Variants in FHIT observed in about 807,000 individuals in gnomAD.
FHIT encodes the protein bis(5'-adenosyl)-triphosphatase.
Under a neutral mutation model 17.9 loss-of-function variants are expected in FHIT, and 19 were observed. The observed-to-expected ratio is 1.06, with a 90% confidence interval of 0.74 to 1.56. FHIT has a LOEUF of 1.56. FHIT is among the 40% of genes most tolerant of loss of function. The pLI is 0.00. For synonymous variants in FHIT, 81 were observed against 69.7 expected, an observed-to-expected ratio of 1.16 and a Z score of -0.81; for missense variants, 248 against 189.2, an observed-to-expected ratio of 1.31 and a Z score of -1.82.
chr3:60,732,757 G>C (rs1210758507), intron 4 of FHIT: 3 of 267,064 alleles, frequency 1.1e-5, no homozygotes, highest in African/African-American at 7.1e-5. Flanking sequence ...CACAATCTCG[G>C]CTCACTGCAA....
chr3:60,761,092 A>G (rs1553719728), intron 4 of FHIT, among the ~76,000 whole-genome samples: 1 of 152,100 alleles, frequency 6.6e-6, no homozygotes, highest in African/African-American at 2.4e-5. Context: ...GGGAGGGGGG[A>G]AAGACTAATG....
At chr3:61,006,788 A>G (rs1193147041) in intron 3 of FHIT, among the ~76,000 whole-genome samples, 1 of 152,152 alleles carries the variant, frequency 6.6e-6, no homozygotes, top group African/African-American at 2.4e-5. Flanking sequence ...TCTTTACTCC[A>G]TTCTTCGGAA....
At chr3:60,483,475 C>G (rs1279948227) in intron 5 of FHIT, among the ~76,000 whole-genome samples, 1 of 152,172 alleles carries the variant, frequency 6.6e-6, no homozygotes, top group Admixed American at 6.5e-5. Flanking sequence ...AAAAACTTAT[C>G]CACCACGATC....
chr3:60,793,308 C>CTTTTTCT (rs782219821), intron 4 of FHIT, among the ~76,000 whole-genome samples: 48 of 146,878 alleles, frequency 3.3e-4, no homozygotes, highest in East Asian at 3.2e-3. Context: ...TTTTCTTTTT[C>CTTTTTCT]TTTTTTTTTT....
chr3:60,546,686 C>G, intron 4 of FHIT, among the ~76,000 whole-genome samples: 1 of 152,190 alleles, frequency 6.6e-6, no homozygotes, highest in Admixed American at 6.5e-5. Context: ...CCCTTTTCCT[C>G]AAAACTAGGC....
intron 3 of FHIT, among the ~76,000 whole-genome samples, chr3:60,893,739 C>G (rs1314820875): frequency 1.3e-5 from 2 of 152,156 alleles, no homozygotes; most frequent in Non-Finnish European, 2.9e-5. Flanking sequence ...AGGGCTGACC[C>G]TTTCATGTTT....
At chr3:60,071,593 T>C (rs1702773445) in intron 5 of FHIT, among the ~76,000 whole-genome samples, 2 of 152,160 alleles carry the variant, frequency 1.3e-5, no homozygotes, top group Admixed American at 1.3e-4. Context: ...ATCTCTGGAA[T>C]AAGACTTGTT....
At chr3:59,797,982 AAC>A (rs1229625318) in intron 8 of FHIT, among the ~76,000 whole-genome samples, 1 of 152,218 alleles carries the variant, frequency 6.6e-6, no homozygotes, top group Non-Finnish European at 1.5e-5. Context: ...CTACCACAAG[AAC>A]AGTATATTCA....
intron 5 of FHIT, among the ~76,000 whole-genome samples, chr3:60,363,063 G>C (rs1699966594): frequency 6.6e-6 from 1 of 152,146 alleles, no homozygotes; most frequent in South Asian, 2.1e-4. Context: ...CTGAATGAGA[G>C]ACAGGTAAAA....
intron 5 of FHIT, among the ~76,000 whole-genome samples, chr3:60,401,411 C>T (rs2107190526): frequency 6.6e-6 from 1 of 152,080 alleles, no homozygotes; most frequent in East Asian, 1.9e-4. Flanking sequence ...TTAGGTTCGG[C>T]CAGTGAGAAT....
At chr3:61,064,221 C>T (rs13074190) in intron 2 of FHIT, among the ~76,000 whole-genome samples, 83,124 of 151,540 alleles carry the variant, frequency 0.55, 23,872 homozygotes, top group Non-Finnish European at 0.65. Context: ...ATTTTCTTTC[C>T]TGAAATGGAA....
intron 4 of FHIT, among the ~76,000 whole-genome samples, chr3:60,705,212 A>G (rs1453713934): frequency 6.6e-6 from 1 of 152,200 alleles, no homozygotes; most frequent in Non-Finnish European, 1.5e-5. Flanking sequence ...TTCTTATTTT[A>G]TCCTCACAGT....
chr3:61,086,500 C>T (rs2035311171), intron 2 of FHIT, among the ~76,000 whole-genome samples: 1 of 152,018 alleles, frequency 6.6e-6, no homozygotes, highest in African/African-American at 2.4e-5. Context: ...AAATCTCTTC[C>T]CCATCTCTTT....
chr3:60,435,968 AT>A (rs1200507914), intron 5 of FHIT, among the ~76,000 whole-genome samples: 1 of 152,126 alleles, frequency 6.6e-6, no homozygotes, highest in African/African-American at 2.4e-5. Flanking sequence ...CTCCATCCTT[AT>A]CCCTGCAAAG....
chr3:60,388,622 G>A (rs866859549), intron 5 of FHIT, among the ~76,000 whole-genome samples: 11 of 152,110 alleles, frequency 7.2e-5, no homozygotes, highest in Middle Eastern at 3.4e-3. Flanking sequence ...CACCACACAA[G>A]ACCTAAACCT....
chr3:60,072,019 T>A (rs1474304898), intron 5 of FHIT, among the ~76,000 whole-genome samples: 1 of 152,308 alleles, frequency 6.6e-6, no homozygotes, highest in East Asian at 1.9e-4. Flanking sequence ...CTTCCCTTTA[T>A]GATTTACCAA....
At chr3:59,945,570 G>T (rs1157931368) in intron 7 of FHIT, among the ~76,000 whole-genome samples, 1 of 150,650 alleles carries the variant, frequency 6.6e-6, no homozygotes. Context: ...ATTGCTTTTG[G>T]CATCTTTGTC....
chr3:60,215,636 T>C (rs1559734654), intron 5 of FHIT, among the ~76,000 whole-genome samples: 1 of 152,182 alleles, frequency 6.6e-6, no homozygotes, highest in African/African-American at 2.4e-5. Context: ...TACCTATGCC[T>C]CTGTTGAAAT....
intron 3 of FHIT, among the ~76,000 whole-genome samples, chr3:60,979,672 C>T (rs1710409030): frequency 6.6e-6 from 1 of 152,134 alleles, no homozygotes; most frequent in Non-Finnish European, 1.5e-5. Context: ...AGCATCAGAG[C>T]AGGAAGGATG....
Sources: gnomAD v4.1 joint callset for allele counts (sites outside exome capture counted in the v4.1 genomes callset) on GRCh38, gnomAD v4.1.1 for gene constraint, MANE v1.5 for transcripts, NCBI Gene and HGNC (gene_info 2026-07-23, HGNC 2026-07-21) for gene names.